The following BRD10 variants were observed in gnomAD, a reference collection of about 807,000 sequenced individuals.
BRD10 encodes the protein bromodomain containing 10, also known as uncharacterized bromodomain-containing protein 10.
the BRD10 span, among the ~76,000 whole-genome samples, chr9:5,904,443 T>C: frequency 1.8e-4 from 27 of 152,306 alleles, no homozygotes; most frequent in Admixed American, 6.5e-4. Context: ...TATGATTCCA[T>C]TTTCTCTCCT....
chr9:5,995,316 C>T, the BRD10 span, among the ~76,000 whole-genome samples: 1 of 152,210 alleles, frequency 6.6e-6, no homozygotes, highest in African/African-American at 2.4e-5. Flanking sequence ...CTTCCTGCTT[C>T]TCAAAAACCA....
chr9:5,882,294 G>A, the BRD10 span, among the ~76,000 whole-genome samples: 1 of 152,100 alleles, frequency 6.6e-6, no homozygotes, highest in East Asian at 1.9e-4. Context: ...CTCCTTCCCT[G>A]TTGCCTTAGC....
the BRD10 span, among the ~76,000 whole-genome samples, chr9:5,943,694 A>G: frequency 6.6e-6 from 1 of 152,168 alleles, no homozygotes; most frequent in African/African-American, 2.4e-5. Flanking sequence ...TATACGTATA[A>G]AAATATAAGA....
At chr9:5,907,207 G>C in the BRD10 span, 1 of 330,316 alleles carries the variant, frequency 3.0e-6, no homozygotes, top group South Asian at 1.1e-4. Flanking sequence ...GGGAAGTACA[G>C]ATATTTTCTT....
the BRD10 span, among the ~76,000 whole-genome samples, chr9:5,981,598 A>C: frequency 6.6e-6 from 1 of 152,116 alleles, no homozygotes; most frequent in African/African-American, 2.4e-5. Flanking sequence ...ATCATCAATT[A>C]ATCTATCTAT....
chr9:5,992,613 T>C, the BRD10 span, among the ~76,000 whole-genome samples: 1 of 152,116 alleles, frequency 6.6e-6, no homozygotes, highest in East Asian at 1.9e-4. Context: ...TTTCATGAAA[T>C]CTGACAGTAG....
At chr9:5,988,524 C>T in the BRD10 span, 2 of 1,613,510 alleles carry the variant, frequency 1.2e-6, no homozygotes, top group Admixed American at 1.7e-5. Flanking sequence ...TAACTGCTAT[C>T]GTTGTCTTTT....
At chr9:5,991,706 C>G in the BRD10 span, among the ~76,000 whole-genome samples, 1 of 129,356 alleles carries the variant, frequency 7.7e-6, no homozygotes, top group Non-Finnish European at 1.6e-5. Context: ...GCCTGGGCGA[C>G]AGAGAAAGAC....
the BRD10 span, chr9:5,908,773 C>T: frequency 2.1e-6 from 3 of 1,435,590 alleles, no homozygotes; most frequent in East Asian, 4.5e-5. Flanking sequence ...GAATTTAATA[C>T]AGACATCTAA....
chr9:5,904,754 C>G, the BRD10 span, among the ~76,000 whole-genome samples: 65 of 150,900 alleles, frequency 4.3e-4, no homozygotes, highest in South Asian at 1.0e-3. Context: ...CGTGAGCCAC[C>G]GCGCCCAGTC....
chr9:5,935,061 A>G, the BRD10 span, among the ~76,000 whole-genome samples: 1 of 152,216 alleles, frequency 6.6e-6, no homozygotes, highest in African/African-American at 2.4e-5. Context: ...ATGTTGGTAC[A>G]CAGTCCCTGA....
the BRD10 span, chr9:5,968,323 A>G: frequency 1.2e-6 from 2 of 1,610,110 alleles, no homozygotes; most frequent in Non-Finnish European, 1.7e-6. Context: ...AAGATTTTAG[A>G]GTATTTTCTT....
At chr9:5,983,448 A>T in the BRD10 span, among the ~76,000 whole-genome samples, 7 of 152,338 alleles carry the variant, frequency 4.6e-5, no homozygotes, top group Admixed American at 4.6e-4. Flanking sequence ...ACATGCCAAG[A>T]AGCAAAAGAA....
At chr9:5,892,003 T>C in the BRD10 span, among the ~76,000 whole-genome samples, 2 of 152,228 alleles carry the variant, frequency 1.3e-5, no homozygotes, top group South Asian at 4.1e-4. Context: ...TGTTTGTCTG[T>C]GGGATTGATA....
chr9:5,925,227 T>G, the BRD10 span, among the ~76,000 whole-genome samples: 1 of 151,502 alleles, frequency 6.6e-6, no homozygotes, highest in Non-Finnish European at 1.5e-5. Context: ...GGCGTGGTGG[T>G]GGGCACCTGT....
At chr9:5,991,985 A>C in the BRD10 span, among the ~76,000 whole-genome samples, 1 of 152,116 alleles carries the variant, frequency 6.6e-6, no homozygotes, top group African/African-American at 2.4e-5. Context: ...ACTCTCCTTT[A>C]AGACACTCTT....
the BRD10 span, among the ~76,000 whole-genome samples, chr9:5,916,363 T>C: frequency 1.3e-5 from 2 of 152,150 alleles, no homozygotes; most frequent in East Asian, 1.9e-4. Context: ...CTGATTTTAG[T>C]GTACATATTC....
the BRD10 span, among the ~76,000 whole-genome samples, chr9:5,955,400 G>GAA: frequency 2.0e-5 from 3 of 152,078 alleles, no homozygotes; most frequent in South Asian, 6.2e-4. Flanking sequence ...TTTCAAAAGG[G>GAA]AAAATGAATG....
the BRD10 span, among the ~76,000 whole-genome samples, chr9:5,995,048 T>C: frequency 6.6e-6 from 1 of 152,100 alleles, no homozygotes; most frequent in Non-Finnish European, 1.5e-5. Flanking sequence ...TACAGGCATA[T>C]GCCACCACGC....
Sources: allele counts gnomAD v4.1 joint callset (sites outside exome capture counted in the v4.1 genomes callset), GRCh38; gene constraint gnomAD v4.1.1; transcripts MANE v1.5; gene names NCBI Gene and HGNC (gene_info 2026-07-23, HGNC 2026-07-21).